Variants in IP6K1 observed in about 807,000 individuals in gnomAD.
The protein encoded by IP6K1 is inositol hexakisphosphate kinase 1.
A neutral mutation model predicts 38.3 loss-of-function variants in IP6K1; 13 were observed. That is an observed-to-expected ratio of 0.34 (90% CI 0.22 to 0.54). The LOEUF (loss-of-function observed/expected upper bound fraction) is 0.54, where lower values mean the gene tolerates loss of function less well. Among genes scored for constraint, IP6K1 ranks in the 20% least tolerant of loss-of-function variants. The pLI, the probability that IP6K1 is intolerant of heterozygous loss-of-function variation, is 0.92. For missense variants in IP6K1, 397 were observed against 599.8 expected (o/e 0.66, Z 3.53); for synonymous variants, 212 against 229.9 (o/e 0.92, Z 0.70).
rs573566675 is a variant in IP6K1 at position 49,773,573 on chromosome 3, C to T, written c.-129+12781G>A. On this transcript the variant is annotated intron_variant, in intron 1 of 5. Coordinates refer to ENST00000321599, the MANE Select transcript of IP6K1 (RefSeq NM_153273.4). The stretch of plus-strand genomic sequence containing the variant: ...CTGCAGTGAGCCAGTGAGCCGAGAT[C>T]GCACCACTGCACTCCAGCCTGGGCA... 6.6e-5 allele frequency among the ~76,000 whole-genome samples: 10 copies of T among 152,228 alleles called. No homozygotes were observed. In the East Asian group the frequency reaches 1.4e-3, roughly 21 times the overall value.
rs1340337801 is a variant in IP6K1 at position 49,727,358 on chromosome 3, C to T, written c.1090G>A (p.Val364Met). Reference protein sequence around the residue: ...SEMRLKHLDMVLPEVASSCGP... With the variant: ...SEMRLKHLDMMLPEVASSCGP... Reference sequence around the variant, plus strand: ...CAGGATGACGCCACCTCAGGGAGCACCATGTCCAGGTGCTTGAGACGCATC... The same window carrying T: ...CAGGATGACGCCACCTCAGGGAGCATCATGTCCAGGTGCTTGAGACGCATC... Residue 364 changes from valine to methionine, a missense_variant, in exon 6 of 6, where the codon GTG (valine) becomes ATG (methionine). Around this residue, in one of 3 missense-constraint regions of IP6K1, gnomAD observed 164 missense variants for 213.5 expected, o/e 0.77. Transcript: ENST00000321599. This position sits in a 1 kb window ranked among gnomAD's most constrained non-coding sequence, Gnocchi z 5.9. 3.1e-6 allele frequency: 5 copies of T among 1,613,972 alleles called. No individual in the cohort carries two copies. In the African/African-American group the frequency reaches 4.0e-5, roughly 13 times the overall value.
At chr3:49,751,627 T>C (rs1319302242) in intron 1 of IP6K1, among the ~76,000 whole-genome samples, 1 of 152,208 alleles carries the variant, frequency 6.6e-6, no homozygotes, top group Non-Finnish European at 1.5e-5. Flanking sequence ...CTTATTCAGG[T>C]AGCCAACTGC....
intron 1 of IP6K1, among the ~76,000 whole-genome samples, chr3:49,749,794 G>A (rs2080755769): frequency 6.7e-6 from 1 of 150,120 alleles, no homozygotes; most frequent in South Asian, 2.1e-4. Flanking sequence ...TGTACTCCCA[G>A]TCCCCAGATT....
chr3:49,762,414 G>A (rs896862752), intron 1 of IP6K1, among the ~76,000 whole-genome samples: 12 of 152,134 alleles, frequency 7.9e-5, no homozygotes, highest in African/African-American at 2.2e-4. Flanking sequence ...GGTGGCGGGC[G>A]CCTGTAATCA....
intron 4 of IP6K1, among the ~76,000 whole-genome samples, chr3:49,730,867 C>A (rs1048040950): frequency 2.6e-5 from 4 of 152,100 alleles, no homozygotes; most frequent in African/African-American, 9.7e-5. Context: ...CAGGCATGCA[C>A]CACTACACCT....
intron 1 of IP6K1, among the ~76,000 whole-genome samples, chr3:49,776,315 G>A (rs998866855): frequency 5.3e-5 from 8 of 152,004 alleles, no homozygotes; most frequent in East Asian, 3.9e-4. Context: ...CCAGGAGCTC[G>A]AGGCCAGCCT....
intron 1 of IP6K1, among the ~76,000 whole-genome samples, chr3:49,749,121 A>C (rs2080749481): frequency 6.6e-6 from 1 of 152,206 alleles, no homozygotes; most frequent in Non-Finnish European, 1.5e-5. Flanking sequence ...ATACAGATGA[A>C]GCTTTGCTTG....
Position 49,727,067 on chromosome 3 carries a change from C to A in IP6K1, c.*55G>T. The stretch of plus-strand genomic sequence containing the variant: ...GTGTGTCCTCACGGCAAGTTCAGAA[C>A]AATGGTCCCTGCCTGCAGTGGAGAG... On this transcript the variant is annotated 3_prime_UTR_variant, in exon 6 of 6. Transcript: ENST00000321599. This position sits in a 1 kb window ranked among gnomAD's most constrained non-coding sequence, Gnocchi z 5.9. 6.6e-7 allele frequency: 1 copy of A among 1,504,910 alleles called. No homozygotes were observed. The highest frequency in any genetic ancestry group is 1.3e-5 in the South Asian group (1 of 76,494). The allele number at this position is 1,504,910 out of a possible 1,614,324, so 93.2% of individuals were successfully genotyped here. A position where few individuals can be genotyped will look rare whatever the true frequency, so the allele number is the denominator to read the frequency against.
Position 49,727,103 on chromosome 3 carries a change from TG to T in IP6K1, c.*18del. The T allele has an allele frequency of 6.4e-7, 1 of 1,567,056 alleles. No individual in the cohort carries two copies. The highest frequency in any genetic ancestry group is 2.3e-5 in the East Asian group (1 of 44,412). ...GCCTGCAGTGGAGAGGAAGGGGTTC[TG>T]GGGGCCCAGAACAGGGCCTACTGGT... is the stretch of plus-strand genomic sequence containing the variant. On this transcript the variant is annotated 3_prime_UTR_variant, in exon 6 of 6. Transcript: ENST00000321599. This position sits in a 1 kb window ranked among gnomAD's most constrained non-coding sequence, Gnocchi z 5.9.
At chr3:49,766,686 A>G (rs6809431) in intron 1 of IP6K1, among the ~76,000 whole-genome samples, 73,064 of 148,290 alleles carry the variant, frequency 0.49, 18,917 homozygotes, top group African/African-American at 0.63. Flanking sequence ...GAAAGAAATC[A>G]GCCAGGTACA....
chr3:49,749,998 C>A (rs1275098984), intron 1 of IP6K1, among the ~76,000 whole-genome samples: 2 of 152,158 alleles, frequency 1.3e-5, no homozygotes, highest in African/African-American at 4.8e-5. Flanking sequence ...TCCTAAGGTA[C>A]CCTATGCCAG....
intron 2 of IP6K1, among the ~76,000 whole-genome samples, chr3:49,743,398 G>GT (rs1367594766): frequency 6.6e-6 from 1 of 151,790 alleles, no homozygotes; most frequent in African/African-American, 2.4e-5. Context: ...ACTAGCCCAG[G>GT]CAACATAGTG....
At chr3:49,728,948 C>A (rs971991913) in intron 4 of IP6K1, among the ~76,000 whole-genome samples, 2 of 137,094 alleles carry the variant, frequency 1.5e-5, no homozygotes, top group Non-Finnish European at 3.1e-5. Context: ...GGACTACAGG[C>A]ATGCCTAATT....
intron 4 of IP6K1, among the ~76,000 whole-genome samples, chr3:49,729,485 G>A (rs577144338): frequency 6.7e-5 from 10 of 148,400 alleles, no homozygotes; most frequent in South Asian, 2.1e-4. Flanking sequence ...TCAGCTCACC[G>A]CAACCTCCGC....
Position 49,747,828 on chromosome 3 carries a change from A to C in IP6K1, c.213T>G (p.Pro71=). Residue 71 remains proline, a synonymous_variant, in exon 2 of 6, where the codon CCT becomes CCG. Transcript: ENST00000321599. ...SLPPEMKEFT[P]EYKGVVSVCF... Reference sequence around the variant, plus strand: ...TGGCCAGTGACTGACCTTTGTATTCAGGGGTGAACTCCTTCATTTCGGGAG... The same window carrying C: ...TGGCCAGTGACTGACCTTTGTATTCCGGGGTGAACTCCTTCATTTCGGGAG... 1 of 1,614,122 alleles carries C rather than the reference A, an allele frequency of 6.2e-7. No individual in the cohort carries two copies. Among genetic ancestry groups the C allele is most frequent in the Non-Finnish European group, 8.5e-7 (1 of 1,179,982 alleles).
intron 1 of IP6K1, among the ~76,000 whole-genome samples, chr3:49,784,307 T>G (rs1453119896): frequency 6.6e-6 from 1 of 151,754 alleles, no homozygotes; most frequent in Non-Finnish European, 1.5e-5. Flanking sequence ...TCTTTCAAAA[T>G]TATACATTCA....
intron 1 of IP6K1, among the ~76,000 whole-genome samples, chr3:49,774,407 CAAA>C (rs777187857): frequency 2.3e-5 from 1 of 44,286 alleles, no homozygotes; most frequent in Non-Finnish European, 4.7e-5. Flanking sequence ...GACTCCATCT[CAAA>C]AAAAAAAAAA....
chr3:49,730,211 GT>G (rs570006882), intron 4 of IP6K1, among the ~76,000 whole-genome samples: 5 of 151,816 alleles, frequency 3.3e-5, no homozygotes, highest in Non-Finnish European at 7.4e-5. Context: ...AATTTTTAAT[GT>G]TTTTTTTAGA....
chr3:49,765,739 A>C (rs903883746), intron 1 of IP6K1, among the ~76,000 whole-genome samples: 3 of 151,682 alleles, frequency 2.0e-5, no homozygotes, highest in African/African-American at 2.4e-5. Flanking sequence ...ACTGATACAT[A>C]AACTATGTAA....
Sources: allele counts gnomAD v4.1 joint callset (sites outside exome capture counted in the v4.1 genomes callset), GRCh38; gene constraint gnomAD v4.1.1; regional missense constraint gnomAD v4.1.1; non-coding constraint Gnocchi (gnomAD v3.1); transcripts MANE v1.5; gene names NCBI Gene and HGNC (gene_info 2026-07-23, HGNC 2026-07-21).